Variants in TANC2 observed in about 807,000 individuals in gnomAD.
TANC2 encodes protein TANC2.
In TANC2, 26 loss-of-function variants were observed where a neutral mutation model predicts 210.5. The ratio of observed to expected loss-of-function variants is 0.12; its 90% CI spans 0.09 to 0.17. TANC2 has a LOEUF of 0.17. TANC2 is among the 10% of genes least tolerant of loss of function. The pLI is 1.00. For missense variants in TANC2, 2,129 were observed against 2,608.9 expected, an observed-to-expected ratio of 0.82 and a Z score of 4.01; for synonymous variants, 931 against 967.1, an observed-to-expected ratio of 0.96 and a Z score of 0.69.
At chr17:63,065,059 C>T (rs2036147872) in intron 2 of TANC2, among the ~76,000 whole-genome samples, 1 of 152,108 alleles carries the variant, frequency 6.6e-6, no homozygotes, top group Non-Finnish European at 1.5e-5. Context: ...ACCCCTGCTC[C>T]CTCCAAGCCC....
chr17:63,357,428 T>C (rs2046812307), intron 14 of TANC2, among the ~76,000 whole-genome samples: 3 of 152,250 alleles, frequency 2.0e-5, no homozygotes, highest in Admixed American at 2.0e-4. Flanking sequence ...AACCGACTGA[T>C]GCACTGGGAC....
intron 12 of TANC2, among the ~76,000 whole-genome samples, chr17:63,345,746 C>T (rs954557273): frequency 6.6e-6 from 1 of 151,900 alleles, no homozygotes; most frequent in Non-Finnish European, 1.5e-5. Flanking sequence ...AAGATAGGAT[C>T]TGGTTTCAAG....
chr17:63,182,481 AT>A, intron 5 of TANC2: 6 of 269,422 alleles, frequency 2.2e-5, no homozygotes, highest in South Asian at 1.6e-4. Flanking sequence ...CTTCAGGGAC[AT>A]TTTTGGTGGA....
chr17:63,301,918 G>C (rs2146495229), intron 9 of TANC2, among the ~76,000 whole-genome samples: 1 of 152,290 alleles, frequency 6.6e-6, no homozygotes, highest in South Asian at 2.1e-4. Context: ...GGCATTTAGT[G>C]CTATAAATTT....
chr17:63,219,365 T>A (rs2042107880), intron 7 of TANC2, among the ~76,000 whole-genome samples: 1 of 152,198 alleles, frequency 6.6e-6, no homozygotes. Context: ...ATTTGTAACA[T>A]CCAGATATGT....
intron 9 of TANC2, among the ~76,000 whole-genome samples, chr17:63,268,349 C>G (rs1272775396): frequency 6.6e-6 from 1 of 152,144 alleles, no homozygotes; most frequent in Non-Finnish European, 1.5e-5. Context: ...GTGGAAAATT[C>G]CACACCTAGC....
At chr17:63,208,598 A>G (rs752552908) in intron 7 of TANC2, among the ~76,000 whole-genome samples, 33 of 152,212 alleles carry the variant, frequency 2.2e-4, no homozygotes, top group Non-Finnish European at 2.5e-4. Context: ...CCATAGATCA[A>G]TGAGTGATGA....
intron 3 of TANC2, among the ~76,000 whole-genome samples, chr17:63,089,542 G>T (rs2144790758): frequency 6.6e-6 from 1 of 152,220 alleles, no homozygotes; most frequent in East Asian, 1.9e-4. Flanking sequence ...CCGTGGTAAG[G>T]ATTTGGGTTC....
At position 63,251,004 on chromosome 17, in the gene TANC2, C is replaced by A. The variant is rs139978083; in HGVS notation, c.1033+12927C>A. On this transcript the variant is annotated intron_variant, in intron 8 of 27. Coordinates refer to ENST00000689528, the Ensembl canonical transcript of TANC2. The stretch of plus-strand genomic sequence containing the variant: ...TGAGGAGGAGGAGGATCGTGCCAAA[C>A]GGATTATGAAATCTAAGTAGGACCA... Among the ~76,000 whole-genome samples, 623 of 152,200 alleles carry A rather than the reference C, an allele frequency of 4.1e-3. 2 individuals are homozygous for A. The highest frequency in any genetic ancestry group is 0.02 in the Middle Eastern group (6 of 294).
intron 7 of TANC2, among the ~76,000 whole-genome samples, chr17:63,220,784 G>A (rs1567826866): frequency 1.4e-5 from 2 of 145,412 alleles, no homozygotes; most frequent in South Asian, 2.3e-4. Flanking sequence ...ATACATGTAT[G>A]TGTATATATG....
intron 2 of TANC2, among the ~76,000 whole-genome samples, chr17:63,010,389 C>A (rs1018644035): frequency 4.0e-5 from 6 of 151,894 alleles, no homozygotes; most frequent in African/African-American, 1.2e-4. Flanking sequence ...AACAAACTCC[C>A]CTACATTAAC....
At chr17:63,415,731 C>A in intron 26 of TANC2, 57 bp downstream of exon 26, 2 of 1,576,176 alleles carry the variant, frequency 1.3e-6, no homozygotes, top group Non-Finnish European at 1.7e-6. Flanking sequence ...TAGCCTGTGT[C>A]ACTCACTAGC....
intron 8 of TANC2, among the ~76,000 whole-genome samples, chr17:63,265,806 G>A: frequency 9.2e-6 from 1 of 108,386 alleles, no homozygotes; most frequent in South Asian, 2.5e-4. Flanking sequence ...TACACTTTCT[G>A]TTTTTTTTTT....
chr17:63,101,760 A>G (rs1392701798), intron 4 of TANC2, among the ~76,000 whole-genome samples: 1 of 152,230 alleles, frequency 6.6e-6, no homozygotes, highest in Non-Finnish European at 1.5e-5. Context: ...GGAAGGGGAT[A>G]GAAACTGGGG....
intron 7 of TANC2, among the ~76,000 whole-genome samples, chr17:63,225,152 A>G (rs2042296532): frequency 1.3e-5 from 2 of 152,036 alleles, no homozygotes; most frequent in Admixed American, 6.6e-5. Flanking sequence ...TTCTGCCTAT[A>G]CTACTCACCC....
chr17:63,194,546 T>C (rs769195204), intron 6 of TANC2, among the ~76,000 whole-genome samples: 3 of 152,242 alleles, frequency 2.0e-5, no homozygotes, highest in Non-Finnish European at 4.4e-5. Flanking sequence ...AATTACAAAA[T>C]GATAATTTAG....
chr17:63,269,593 C>T (rs2043636802), intron 9 of TANC2, among the ~76,000 whole-genome samples: 1 of 152,108 alleles, frequency 6.6e-6, no homozygotes, highest in Non-Finnish European at 1.5e-5. Context: ...AGATGTTATA[C>T]TACATAGAAA....
intron 4 of TANC2, among the ~76,000 whole-genome samples, chr17:63,123,411 T>C: frequency 6.6e-6 from 1 of 151,676 alleles, no homozygotes; most frequent in South Asian, 2.1e-4. Context: ...CAAAAAAAAT[T>C]AGCCAGATGT....
At chr17:63,390,479 T>C (rs1254739481) in intron 17 of TANC2, 2 of 152,208 alleles carry the variant, frequency 1.3e-5, no homozygotes, top group Non-Finnish European at 2.9e-5. Flanking sequence ...CAATGATAAC[T>C]GGGCCTCGTT....
Sources: allele counts gnomAD v4.1 joint callset (sites outside exome capture counted in the v4.1 genomes callset), GRCh38; gene constraint gnomAD v4.1.1; transcripts MANE v1.5; gene names NCBI Gene and HGNC (gene_info 2026-07-23, HGNC 2026-07-21).